The following ZBBX variants were observed in gnomAD, a reference collection of about 807,000 sequenced individuals.
ZBBX encodes the protein zinc finger B-box domain-containing protein 1.
In ZBBX, 101 loss-of-function variants were observed where a neutral mutation model predicts 108.5. That is an observed-to-expected ratio of 0.93 (90% CI 0.79 to 1.10). The LOEUF (loss-of-function observed/expected upper bound fraction) is 1.10. Ranked by LOEUF, ZBBX falls within the 50% of genes least tolerant of loss-of-function variation. The pLI, the probability that ZBBX is intolerant of heterozygous loss-of-function variation, is 0.00. For synonymous variants in ZBBX, 356 were observed against 323.4 expected, an observed-to-expected ratio of 1.10 and a Z score of -1.08; for missense variants, 1,009 against 941.4, an observed-to-expected ratio of 1.07 and a Z score of -0.94.
chr3:167,254,918 G>GAGAGAGAA (rs1304872203), intron 20 of ZBBX, among the ~76,000 whole-genome samples: 2 of 151,716 alleles, frequency 1.3e-5, no homozygotes, highest in African/African-American at 4.8e-5. Context: ...GAGAGAGAGA[G>GAGAGAGAA]AAAGGGAGAG....
chr3:167,308,146 A>G (rs994311468), intron 16 of ZBBX, among the ~76,000 whole-genome samples: 10 of 152,220 alleles, frequency 6.6e-5, no homozygotes, highest in Non-Finnish European at 1.3e-4. Context: ...AAAAGTGGGC[A>G]AAGACATGAG....
intron 5 of ZBBX, among the ~76,000 whole-genome samples, chr3:167,367,876 A>C (rs1745558616): frequency 6.7e-6 from 1 of 149,940 alleles, no homozygotes. Flanking sequence ...ATAATATTAG[A>C]AAGTTCTCAT....
chr3:167,214,797 A>G, the ZBBX span, among the ~76,000 whole-genome samples: 1 of 152,186 alleles, frequency 6.6e-6, no homozygotes, highest in African/African-American at 2.4e-5. Flanking sequence ...ACAATCTCAG[A>G]CCAGTGCAAT....
intron 17 of ZBBX, among the ~76,000 whole-genome samples, chr3:167,304,195 C>T (rs537253246): frequency 3.3e-5 from 5 of 152,184 alleles, no homozygotes; most frequent in African/African-American, 9.6e-5. Context: ...GAGCAAAGAG[C>T]AGGTTTGTTT....
chr3:167,304,955 C>T (rs1299705312), intron 17 of ZBBX, among the ~76,000 whole-genome samples: 1 of 151,956 alleles, frequency 6.6e-6, no homozygotes, highest in Non-Finnish European at 1.5e-5. Flanking sequence ...TTTTTGCTTC[C>T]CTCTTCAGGA....
At chr3:167,359,728 A>G (rs1345935187) in intron 8 of ZBBX, 142 bp downstream of exon 8, 1 of 386,246 alleles carries the variant, frequency 2.6e-6, no homozygotes, top group Admixed American at 4.5e-5. Flanking sequence ...CTCAACCCAC[A>G]GTAACAGTAA....
intron 8 of ZBBX, among the ~76,000 whole-genome samples, chr3:167,353,103 G>C (rs1315440218): frequency 2.0e-5 from 3 of 151,990 alleles, no homozygotes; most frequent in Non-Finnish European, 4.4e-5. Context: ...ATTCAACATA[G>C]TACTGGAATT....
At chr3:167,314,154 A>T (rs573456120) in intron 15 of ZBBX, 38 bp from the exon 16 acceptor site, 27 of 1,518,402 alleles carry the variant, frequency 1.8e-5, no homozygotes, top group Non-Finnish European at 2.3e-5. Flanking sequence ...ATAGAGTTGA[A>T]AAAATGATTT....
chr3:167,398,641 T>G (rs992364866), intron 1 of ZBBX, among the ~76,000 whole-genome samples: 1 of 152,098 alleles, frequency 6.6e-6, no homozygotes, highest in African/African-American at 2.4e-5. Flanking sequence ...AGAATTATGA[T>G]AGCACGTGAA....
At chr3:167,278,595 G>T (rs1728150940) in intron 20 of ZBBX, among the ~76,000 whole-genome samples, 1 of 150,830 alleles carries the variant, frequency 6.6e-6, no homozygotes, top group Non-Finnish European at 1.5e-5. Context: ...ATCTGAAATT[G>T]TGGCAATAAT....
intron 12 of ZBBX, 61 bp downstream of exon 12, chr3:167,322,056 A>G (rs1736533913): frequency 1.6e-5 from 16 of 1,022,564 alleles, no homozygotes; most frequent in Non-Finnish European, 1.3e-6. Context: ...GGCATGTCAT[A>G]CAAGAAAGAA....
Position 167,288,965 on chromosome 3 carries a change from G to A in ZBBX, c.1898C>T (p.Pro633Leu), listed in dbSNP as rs1730190140. 1.3e-6 allele frequency: 2 copies of A among 1,532,920 alleles called. No homozygotes were observed. The highest frequency in any genetic ancestry group is 1.8e-6 in the Non-Finnish European group (2 of 1,136,328). 95.0% of individuals were successfully genotyped at this position (1,532,920 alleles called of 1,614,324 possible). Residue 633 changes from proline to leucine, a missense_variant, in exon 19 of 22, where the codon CCA becomes CTA. Physicochemically the swap from Pro to Leu is moderately conservative, Grantham distance 98. Transcript: ENST00000675490. ...AGCATATTCACTTAAGCTATGGTCTGGAATCCATTCTCTGTCTTCTGAAAT... is the reference window on the plus strand; with the variant it reads ...AGCATATTCACTTAAGCTATGGTCTAGAATCCATTCTCTGTCTTCTGAAAT... The part of the protein sequence containing the change: ...ITLAEDREWI[P>L]DHSLSEYADN...
At chr3:167,199,901 T>C in the ZBBX span, among the ~76,000 whole-genome samples, 1 of 152,110 alleles carries the variant, frequency 6.6e-6, no homozygotes, top group Non-Finnish European at 1.5e-5. Context: ...GCTCTGGAGA[T>C]TTAAAATTTG....
chr3:167,240,311 C>A lies in ZBBX; in HGVS notation c.*482G>T, dbSNP rs899720690. ...ATTTTATTTTTGGTCCTCTTTTTTT[C>A]TTTTATTGCAAATTTTTGAAGATAC... On this transcript the variant is annotated 3_prime_UTR_variant, in exon 22 of 22. Transcript: ENST00000675490. 2 of 152,128 alleles carry A rather than the reference C, an allele frequency of 1.3e-5. No individual in the cohort carries two copies. The highest frequency in any genetic ancestry group is 4.8e-5 in the African/African-American group (2 of 41,392). The allele number at this position is 152,128 out of a possible 1,614,324, so 9.4% of individuals were successfully genotyped here.
In ZBBX at chr3:167,305,650, G is replaced by A; in HGVS notation, c.1718C>T (p.Ser573Leu). ...AACATAATAGAGATTTACCAGTGAT[G>A]ACTTTGTAGTTTTTGATTCTTCAAA... ...PSFEESKTTK[S>L]SLLLQEIACR... Residue 573 changes from serine to leucine, a missense_variant, in exon 17 of 22, where the codon TCA becomes TTA. Transcript: ENST00000675490. 1 of 1,546,858 alleles carries A rather than the reference G, an allele frequency of 6.5e-7. No homozygotes were observed. Among genetic ancestry groups the A allele is most frequent in the Non-Finnish European group, 8.7e-7 (1 of 1,152,672 alleles).
intron 8 of ZBBX, 129 bp from the exon 9 acceptor site, chr3:167,350,644 G>C: frequency 1.8e-6 from 1 of 546,976 alleles, no homozygotes; most frequent in Non-Finnish European, 2.9e-6. Flanking sequence ...CATCAGAATT[G>C]AGAAGCCTGT....
chr3:167,243,479 A>G (rs1172645847), intron 20 of ZBBX, among the ~76,000 whole-genome samples: 1 of 151,628 alleles, frequency 6.6e-6, no homozygotes, highest in African/African-American at 2.4e-5. Flanking sequence ...GCTCACCGCA[A>G]CCTCCGCCTC....
chr3:167,241,082 A>G (rs903077968), intron 21 of ZBBX, among the ~76,000 whole-genome samples, 163 bp from the exon 22 acceptor site: 1 of 152,136 alleles, frequency 6.6e-6, no homozygotes, highest in East Asian at 1.9e-4. Context: ...CCAATATACC[A>G]AGCCTCCTTT....
At position 167,350,589 on chromosome 3, in the gene ZBBX, A is replaced by G. The variant is rs559518628; in HGVS notation, c.433-74T>C. ...ATTTTTAGAAAGTGTTTGCATAAAG[A>G]TGTCTTGTTTTTTAATATTTATTTC... On this transcript the variant is annotated intron_variant, in intron 8 of 21. Transcript: ENST00000675490. The G allele has an allele frequency of 2.8e-6, 3 of 1,078,096 alleles. No homozygotes were observed. In the South Asian group the frequency reaches 5.8e-5, roughly 21 times the overall value. 66.8% of individuals were successfully genotyped at this position (1,078,096 alleles called of 1,614,324 possible). A position where few individuals can be genotyped will look rare whatever the true frequency, so the allele number is the denominator to read the frequency against.
Sources: gnomAD v4.1 joint callset for allele counts (sites outside exome capture counted in the v4.1 genomes callset) on GRCh38, gnomAD v4.1.1 for gene constraint, MANE v1.5 for transcripts, NCBI Gene and HGNC (gene_info 2026-07-23, HGNC 2026-07-21) for gene names.